LRMDA: variants seen among roughly 807,000 people sequenced by gnomAD.
LRMDA encodes leucine rich melanocyte differentiation associated.
Under a neutral mutation model 29.8 loss-of-function variants are expected in LRMDA, and 18 were observed. The observed-to-expected ratio is 0.60, with a 90% CI of 0.42 to 0.90. The LOEUF (loss-of-function observed/expected upper bound fraction) is 0.90. LRMDA is among the 40% of genes least tolerant of loss of function. The probability of loss-of-function intolerance (pLI) is 0.00; values close to 1 mark genes in which losing one functional copy is unlikely to be tolerated. For synonymous variants in LRMDA, 125 were observed against 109.4 expected, an observed-to-expected ratio of 1.14 and a Z score of -0.89; for missense variants, 273 against 273.9, an observed-to-expected ratio of 1.00 and a Z score of 0.02.
intron 2 of LRMDA, among the ~76,000 whole-genome samples, chr10:75,927,680 G>T (rs974747440): frequency 6.6e-6 from 1 of 152,192 alleles, no homozygotes; most frequent in Non-Finnish European, 1.5e-5. Context: ...TGCAAATGAG[G>T]TAACTGAAGT....
chr10:75,449,835 CTG>C (rs1192594808), intron 2 of LRMDA, among the ~76,000 whole-genome samples: 4 of 152,148 alleles, frequency 2.6e-5, no homozygotes, highest in African/African-American at 9.7e-5. Context: ...CAACTGCTGA[CTG>C]TGGTGCCAGC....
At chr10:76,171,085 G>A (rs1850827037) in intron 5 of LRMDA, among the ~76,000 whole-genome samples, 2 of 152,164 alleles carry the variant, frequency 1.3e-5, no homozygotes, top group African/African-American at 4.8e-5. Context: ...GTACTGATCT[G>A]AGCAGCTATA....
chr10:76,318,881 T>C (rs761742114), intron 5 of LRMDA: 2 of 152,238 alleles, frequency 1.3e-5, no homozygotes, highest in African/African-American at 2.4e-5. Flanking sequence ...GCCCACACTT[T>C]CGTGTTGAAT....
intron 6 of LRMDA, among the ~76,000 whole-genome samples, chr10:76,428,462 A>C (rs1304071897): frequency 6.6e-6 from 1 of 152,100 alleles, no homozygotes; most frequent in Non-Finnish European, 1.5e-5. Flanking sequence ...TAATTTCATC[A>C]TTTAACTTCA....
At chr10:75,793,664 A>AT (rs762954102) in intron 2 of LRMDA, among the ~76,000 whole-genome samples, 5 of 152,206 alleles carry the variant, frequency 3.3e-5, no homozygotes, top group Non-Finnish European at 7.3e-5. Context: ...CTTTGTAATC[A>AT]TATCACTGAG....
rs1320124132 is a variant in LRMDA at position 75,454,503 on chromosome 10, G to A, written c.131+16009G>A. Among the ~76,000 whole-genome samples, 3 of 152,176 alleles carry A rather than the reference G, an allele frequency of 2.0e-5. No homozygotes were observed. In the East Asian group the frequency reaches 5.8e-4, roughly 29 times the overall value. On this transcript the variant is annotated intron_variant, in intron 2 of 6. Transcript: ENST00000611255. ...TCCGAGTCCCAACACAGTCTTTAAG[G>A]TGGGGAGGGTGCACTGGAATTGCCT...
At chr10:76,476,680 C>T (rs1418823712) in intron 6 of LRMDA, among the ~76,000 whole-genome samples, 3 of 152,126 alleles carry the variant, frequency 2.0e-5, no homozygotes, top group Non-Finnish European at 2.9e-5. Context: ...AATCCAGCAG[C>T]ACATCAAAAA....
chr10:75,884,273 G>GGT (rs1294534564), intron 2 of LRMDA, among the ~76,000 whole-genome samples: 8 of 142,916 alleles, frequency 5.6e-5, no homozygotes, highest in Admixed American at 2.7e-4. Context: ...GTGTGTGTGT[G>GGT]TGTGTGTGTG....
intron 2 of LRMDA, among the ~76,000 whole-genome samples, chr10:75,509,242 G>A (rs1242891914): frequency 2.0e-5 from 3 of 152,102 alleles, no homozygotes; most frequent in African/African-American, 7.2e-5. Flanking sequence ...AGAAACCCAC[G>A]TGGCTAGAGA....
chr10:75,828,984 A>AG (rs1381870936), intron 2 of LRMDA, among the ~76,000 whole-genome samples: 4 of 152,152 alleles, frequency 2.6e-5, no homozygotes, highest in African/African-American at 9.7e-5. Flanking sequence ...GGCTTTTTTT[A>AG]GGTGCTGCAG....
chr10:75,545,078 G>C (rs1840062488), intron 2 of LRMDA, among the ~76,000 whole-genome samples: 1 of 152,120 alleles, frequency 6.6e-6, no homozygotes, highest in African/African-American at 2.4e-5. Context: ...CCACTCTTTG[G>C]AGACATTTGA....
intron 5 of LRMDA, among the ~76,000 whole-genome samples, chr10:76,170,175 C>T (rs761674926): frequency 6.6e-6 from 1 of 152,318 alleles, no homozygotes; most frequent in East Asian, 1.9e-4. Flanking sequence ...AGTCTCCTCA[C>T]CAGTCACCCA....
rs1843603329 is a variant in LRMDA, at chr10:76,559,942, G to T, written c.*2654G>T. On this transcript the variant is annotated 3_prime_UTR_variant, in exon 7 of 7. Transcript: ENST00000611255. ...GTAACATAATTTTAAAGAACAATTT[G>T]TTCCTCAGGGAATAATGTCTTGGAT... is the stretch of plus-strand genomic sequence containing the variant. 1 of 152,224 alleles carries T rather than the reference G, an allele frequency of 6.6e-6. No individual in the cohort carries two copies. Among genetic ancestry groups the T allele is most frequent in the Non-Finnish European group, 1.5e-5 (1 of 68,046 alleles). The allele number at this position is 152,224 out of a possible 1,614,324, so 9.4% of individuals were successfully genotyped here. A position where few individuals can be genotyped will look rare whatever the true frequency, so the allele number is the denominator to read the frequency against.
rs775067979 is a variant in LRMDA at position 76,324,430 on chromosome 10, G to C, written c.546G>C (p.Pro182=). Residue 182 remains proline, a synonymous_variant, in exon 6 of 7, where the codon CCG becomes CCC. Coordinates refer to ENST00000611255, the MANE Select transcript of LRMDA (RefSeq NM_001305581.2). ...KASSEDVASS[P]ERHYTPLPSA... The stretch of plus-strand genomic sequence containing the variant: ...CTAGTGAGGACGTTGCCAGCTCCCC[G>C]GAGCGCCACTACACGCCCTTGCCTT... 6.2e-7 allele frequency: 1 copy of C among 1,614,000 alleles called. No homozygotes were observed. Among genetic ancestry groups the C allele is most frequent in the South Asian group, 1.1e-5 (1 of 91,056 alleles).
chr10:75,946,564 C>T (rs923241236), intron 2 of LRMDA, among the ~76,000 whole-genome samples: 3 of 152,158 alleles, frequency 2.0e-5, no homozygotes, highest in African/African-American at 7.2e-5. Context: ...GTCGCACAAC[C>T]TCTTAGAGGA....
At chr10:75,483,297 T>C (rs754551604) in intron 2 of LRMDA, among the ~76,000 whole-genome samples, 1 of 152,186 alleles carries the variant, frequency 6.6e-6, no homozygotes, top group Non-Finnish European at 1.5e-5. Flanking sequence ...ATTTTCCCCA[T>C]GAACAAATAG....
intron 2 of LRMDA, among the ~76,000 whole-genome samples, chr10:75,846,278 A>G (rs146350929): frequency 6.6e-6 from 1 of 151,910 alleles, no homozygotes; most frequent in Non-Finnish European, 1.5e-5. Context: ...TAGTGAGTAA[A>G]TTCATACCAA....
At chr10:76,288,087 A>G (rs529909223) in intron 5 of LRMDA, among the ~76,000 whole-genome samples, 16 of 152,316 alleles carry the variant, frequency 1.1e-4, no homozygotes, top group African/African-American at 3.8e-4. Flanking sequence ...CAGCATCTTA[A>G]TCTAAAAATA....
chr10:76,480,010 C>T (rs568544075), intron 6 of LRMDA, among the ~76,000 whole-genome samples: 1 of 151,908 alleles, frequency 6.6e-6, no homozygotes, highest in Non-Finnish European at 1.5e-5. Context: ...CTAAGCTGAG[C>T]ATTTTACTTA....
Sources: gnomAD v4.1 joint callset for allele counts (sites outside exome capture counted in the v4.1 genomes callset) on GRCh38, gnomAD v4.1.1 for gene constraint, MANE v1.5 for transcripts, NCBI Gene and HGNC (gene_info 2026-07-23, HGNC 2026-07-21) for gene names.